Variants in KALRN observed in about 807,000 individuals in gnomAD.
KALRN encodes kalirin RhoGEF kinase, also known as kalirin.
A neutral mutation model predicts 353.7 loss-of-function variants in KALRN; 70 were observed. The ratio of observed to expected loss-of-function variants is 0.20; its 90% CI spans 0.16 to 0.24. The LOEUF (loss-of-function observed/expected upper bound fraction) is 0.24, where lower values mean the gene tolerates loss of function less well. Among genes scored for constraint, KALRN ranks in the 10% least tolerant of loss-of-function variants. The pLI, the probability that KALRN is intolerant of heterozygous loss-of-function variation, is 1.00. For missense variants in KALRN, 2,791 were observed against 3,756.7 expected (o/e 0.74, Z 6.72); for synonymous variants, 1,391 against 1,434.8 (o/e 0.97, Z 0.69).
chr3:124,583,376 G>A (rs1427584939), intron 34 of KALRN, among the ~76,000 whole-genome samples: 1 of 146,494 alleles, frequency 6.8e-6, no homozygotes, highest in East Asian at 1.9e-4. Context: ...TCATGGAAAG[G>A]TCCCACTGAT....
At chr3:124,126,073 T>C (rs990054563) in intron 1 of KALRN, among the ~76,000 whole-genome samples, 1 of 152,194 alleles carries the variant, frequency 6.6e-6, no homozygotes, top group East Asian at 1.9e-4. Flanking sequence ...TTTGCCTTCA[T>C]CGTTTGCCTT....
chr3:124,432,778 A>G (rs141183293), intron 16 of KALRN, among the ~76,000 whole-genome samples: 7 of 152,334 alleles, frequency 4.6e-5, no homozygotes, highest in African/African-American at 1.4e-4. Flanking sequence ...GAGGCTCACT[A>G]AGCATAAACA....
intron 51 of KALRN, among the ~76,000 whole-genome samples, chr3:124,684,532 A>C (rs1207605041): frequency 6.6e-6 from 1 of 152,204 alleles, no homozygotes; most frequent in East Asian, 1.9e-4. Flanking sequence ...GCCAGCTATG[A>C]GACTGCTGGC....
chr3:124,484,193 G>A (rs1009280171), intron 28 of KALRN, among the ~76,000 whole-genome samples: 2 of 152,180 alleles, frequency 1.3e-5, no homozygotes, highest in African/African-American at 4.8e-5. Flanking sequence ...AGTCACACTG[G>A]AGTGAGTCCA....
At chr3:124,520,271 C>T (rs2067053560) in intron 33 of KALRN, among the ~76,000 whole-genome samples, 1 of 152,012 alleles carries the variant, frequency 6.6e-6, no homozygotes, top group South Asian at 2.1e-4. Context: ...TGGTAGTCCT[C>T]AGCACGTTCA....
intron 34 of KALRN, among the ~76,000 whole-genome samples, chr3:124,567,485 CTG>C (rs1351803145): frequency 1.3e-5 from 2 of 152,156 alleles, no homozygotes; most frequent in African/African-American, 4.8e-5. Flanking sequence ...AAGAGTGGGG[CTG>C]TGTGTCAGAA....
Position 124,329,043 on chromosome 3 carries a change from G to T in KALRN, c.1285-818G>T, listed in dbSNP as rs113039160. On this transcript the variant is annotated intron_variant, in intron 7 of 59. Transcript: ENST00000682506. Reference sequence around the variant, plus strand: ...AATGGAGCTGTGCATCCAGACGAGAGGAATCACAGACAGAACGATTCCAGA... The same window carrying T: ...AATGGAGCTGTGCATCCAGACGAGATGAATCACAGACAGAACGATTCCAGA... Among the ~76,000 whole-genome samples, 227 of 152,286 alleles carry T rather than the reference G, an allele frequency of 1.5e-3. 2 individuals carry two copies. Among genetic ancestry groups the T allele is most frequent in the African/African-American group, 5.2e-3 (214 of 41,542 alleles).
At chr3:124,624,714 C>T (rs1175739366) in intron 34 of KALRN, among the ~76,000 whole-genome samples, 1 of 152,156 alleles carries the variant, frequency 6.6e-6, no homozygotes, top group African/African-American at 2.4e-5. Flanking sequence ...AGGCAGGTGT[C>T]ATCTTCAGGG....
At chr3:124,420,250 C>T (rs1219742900) in intron 14 of KALRN, among the ~76,000 whole-genome samples, 1 of 152,236 alleles carries the variant, frequency 6.6e-6, no homozygotes, top group Non-Finnish European at 1.5e-5. Context: ...AAGCAGGTGA[C>T]TGTCCTCTTT....
intron 37 of KALRN, among the ~76,000 whole-genome samples, chr3:124,647,903 G>A (rs2713652): frequency 0.34 from 52,244 of 151,996 alleles, 9,130 homozygotes; most frequent in East Asian, 0.47. Flanking sequence ...TCCACACTTC[G>A]TCACATATTT....
chr3:124,499,275 G>A (rs1205780154), intron 33 of KALRN, among the ~76,000 whole-genome samples: 2 of 152,262 alleles, frequency 1.3e-5, no homozygotes, highest in South Asian at 2.1e-4. Context: ...GAAGGAGTTC[G>A]ATACACCTAG....
At chr3:124,471,774 T>G (rs976627751) in intron 25 of KALRN, among the ~76,000 whole-genome samples, 14 of 151,706 alleles carry the variant, frequency 9.2e-5, no homozygotes, top group African/African-American at 3.1e-4. Context: ...CCATCCTGGC[T>G]AACATGGTGA....
At chr3:124,125,386 G>A (rs987589381) in intron 1 of KALRN, among the ~76,000 whole-genome samples, 5 of 152,206 alleles carry the variant, frequency 3.3e-5, no homozygotes, top group Admixed American at 1.3e-4. Context: ...CACATGAAAT[G>A]ACTCAAAGAT....
intron 1 of KALRN, chr3:124,100,591 A>G (rs1012423786): frequency 1.3e-5 from 2 of 152,246 alleles, no homozygotes; most frequent in African/African-American, 4.8e-5. Flanking sequence ...ACCCTTCAGG[A>G]TATTAGTCTA....
chr3:124,450,088 G>A (rs35387561), intron 21 of KALRN, among the ~76,000 whole-genome samples: 1 of 152,166 alleles, frequency 6.6e-6, no homozygotes, highest in East Asian at 1.9e-4. Context: ...GTTATATGGA[G>A]TTCTACTATG....
At chr3:124,161,194 G>T (rs148457138) in intron 1 of KALRN, among the ~76,000 whole-genome samples, 1 of 152,290 alleles carries the variant, frequency 6.6e-6, no homozygotes, top group African/African-American at 2.4e-5. Flanking sequence ...AAAAAGTAAT[G>T]TACATACAGG....
chr3:124,535,992 C>T (rs2068472512), intron 33 of KALRN, among the ~76,000 whole-genome samples: 4 of 152,104 alleles, frequency 2.6e-5, no homozygotes. Context: ...ATTAAAAAGA[C>T]CATTGCAACA....
intron 49 of KALRN, chr3:124,675,518 C>CTTTTTT (rs67279805): frequency 1.7e-5 from 2 of 114,612 alleles, no homozygotes; most frequent in Admixed American, 9.2e-5. Flanking sequence ...TCCTCTTCTT[C>CTTTTTT]TTTTTTTTTT....
chr3:124,387,322 T>C (rs1384407918), intron 11 of KALRN, among the ~76,000 whole-genome samples: 1 of 152,244 alleles, frequency 6.6e-6, no homozygotes, highest in Non-Finnish European at 1.5e-5. Flanking sequence ...GAAGGAGTGG[T>C]GTGATACAGG....
Sources: allele counts gnomAD v4.1 joint callset (sites outside exome capture counted in the v4.1 genomes callset), GRCh38; gene constraint gnomAD v4.1.1; transcripts MANE v1.5; gene names NCBI Gene and HGNC (gene_info 2026-07-23, HGNC 2026-07-21).